The following MTMR8 variants were observed in gnomAD, a reference collection of about 807,000 sequenced individuals.
The protein encoded by MTMR8 is myotubularin related protein 8, also known as phosphatidylinositol-3,5-bisphosphate 3-phosphatase MTMR8.
In MTMR8, 65 loss-of-function variants were observed where a neutral mutation model predicts 39.3. That is an observed-to-expected ratio of 1.65 (90% CI 1.35 to 2.03). The LOEUF is 2.03. Among genes scored for constraint, MTMR8 ranks in the 30% most tolerant of loss-of-function variants. MTMR8 has a pLI of 0.00. For synonymous variants in MTMR8, 245 were observed against 185.2 expected, an observed-to-expected ratio of 1.32 and a Z score of -2.62; for missense variants, 777 against 538.9, an observed-to-expected ratio of 1.44 and a Z score of -4.37.
intron 12 of MTMR8, among the ~76,000 whole-genome samples, chrX:64,298,174 G>A (rs1390775544): frequency 7.1e-5 from 7 of 98,253 alleles, no homozygotes; most frequent in Non-Finnish European, 1.2e-4. Flanking sequence ...ACCTTGGGCA[G>A]TATGGCCATT....
chrX:64,312,664 G>A (rs1171248157), intron 12 of MTMR8, among the ~76,000 whole-genome samples: 1 of 112,474 alleles, frequency 8.9e-6, no homozygotes. Flanking sequence ...CTTGGCCCAT[G>A]TACATTGGAG....
At chrX:64,358,882 T>C (rs866426818) in intron 2 of MTMR8, among the ~76,000 whole-genome samples, 2 of 92,247 alleles carry the variant, frequency 2.2e-5, no homozygotes, top group African/African-American at 1.4e-4. Flanking sequence ...CACACACATA[T>C]ATATATACCC....
chrX:64,360,091 G>T (rs976811281), intron 1 of MTMR8, among the ~76,000 whole-genome samples: 2 of 110,246 alleles, frequency 1.8e-5, no homozygotes, highest in Non-Finnish European at 3.8e-5. Context: ...TAAAACAAAA[G>T]ATTCAACAAT....
intron 12 of MTMR8, among the ~76,000 whole-genome samples, chrX:64,326,840 C>T (rs1242218621): frequency 9.1e-6 from 1 of 109,815 alleles, no homozygotes; most frequent in African/African-American, 3.3e-5. Context: ...TAGAATGATA[C>T]TGATCTAAAA....
At chrX:64,293,280 G>A (rs913230564) in intron 12 of MTMR8, among the ~76,000 whole-genome samples, 3 of 111,563 alleles carry the variant, frequency 2.7e-5, no homozygotes, top group African/African-American at 9.8e-5. Context: ...ACAAACTCAA[G>A]TGTTGCCTGT....
chrX:64,284,167 T>C lies in MTMR8; in HGVS notation c.1482-13094A>G, dbSNP rs1011193223. Among the ~76,000 whole-genome samples the C allele has an allele frequency of 3.6e-5, 4 of 112,227 alleles. No homozygotes were observed. In the East Asian group the frequency reaches 1.1e-3, roughly 31 times the overall value. ...GCTGAAAACCATGGCACAAGAACTATGTGACGTACGCACAAGCTTCAGTAG... is the reference window on the plus strand; with the variant it reads ...GCTGAAAACCATGGCACAAGAACTACGTGACGTACGCACAAGCTTCAGTAG... On this transcript the variant is annotated intron_variant, in intron 12 of 13. Coordinates refer to ENST00000374852, the MANE Select transcript of MTMR8 (RefSeq NM_017677.4).
intron 1 of MTMR8, among the ~76,000 whole-genome samples, chrX:64,362,999 T>C (rs1016257536): frequency 2.7e-5 from 3 of 110,933 alleles, no homozygotes; most frequent in African/African-American, 9.8e-5. Flanking sequence ...ACATTGGGAA[T>C]AAAATAAAGT....
intron 1 of MTMR8, among the ~76,000 whole-genome samples, chrX:64,368,738 T>G (rs768158191): frequency 8.9e-6 from 1 of 111,763 alleles, no homozygotes; most frequent in South Asian, 3.7e-4. Flanking sequence ...GCAATGGCAA[T>G]GAAAGCCAAA....
chrX:64,301,121 C>A (rs1455806354), intron 12 of MTMR8, among the ~76,000 whole-genome samples: 1 of 107,050 alleles, frequency 9.3e-6, no homozygotes, highest in Non-Finnish European at 1.9e-5. Context: ...TGAACGTTGG[C>A]CTGCCTTGCT....
At chrX:64,387,710 T>G (rs1407288042) in intron 1 of MTMR8, among the ~76,000 whole-genome samples, 4 of 89,235 alleles carry the variant, frequency 4.5e-5, no homozygotes, top group African/African-American at 8.7e-5. Context: ...GAGAGAGAGA[T>G]TGGGGGGAGA....
intron 12 of MTMR8, among the ~76,000 whole-genome samples, chrX:64,294,901 T>C (rs982271505): frequency 1.8e-5 from 2 of 111,588 alleles, no homozygotes; most frequent in Non-Finnish European, 3.8e-5. Context: ...ATATCGCCTA[T>C]AGCAGATGGG....
intron 12 of MTMR8, among the ~76,000 whole-genome samples, chrX:64,317,266 A>G (rs770291272): frequency 3.6e-5 from 4 of 111,496 alleles, no homozygotes; most frequent in Non-Finnish European, 1.9e-5. Context: ...ATTATCAGCC[A>G]TTATTTATTT....
chrX:64,296,100 T>C (rs980595139), intron 12 of MTMR8, among the ~76,000 whole-genome samples: 4 of 112,011 alleles, frequency 3.6e-5, no homozygotes, highest in African/African-American at 1.3e-4. Context: ...GCTATATCCA[T>C]ACAATAGAAT....
rs372948405 is a variant in MTMR8 at position 64,366,631 on chromosome X, C to A, written c.25-7104G>T. On this transcript the variant is annotated intron_variant, in intron 1 of 13. Transcript: ENST00000374852. Reference sequence around the variant, plus strand: ...AGTGTGTAGAGGGAAATGTACAGCACTAAATGCCCACAAGAGAAAGCAGGA... The same window carrying A: ...AGTGTGTAGAGGGAAATGTACAGCAATAAATGCCCACAAGAGAAAGCAGGA... 1.1e-4 allele frequency among the ~76,000 whole-genome samples: 12 copies of A among 112,122 alleles called. No individual in the cohort carries two copies. The East Asian group carries it at 3.4e-3, about 32-fold the overall frequency.
At chrX:64,291,664 G>T (rs1921400969) in intron 12 of MTMR8, among the ~76,000 whole-genome samples, 2 of 111,562 alleles carry the variant, frequency 1.8e-5, no homozygotes, top group African/African-American at 3.3e-5. Context: ...ATCAATATGG[G>T]ACCTACCAAG....
intron 12 of MTMR8, among the ~76,000 whole-genome samples, chrX:64,303,433 C>T (rs1298136775): frequency 8.9e-6 from 1 of 112,005 alleles, no homozygotes; most frequent in African/African-American, 3.2e-5. Context: ...GTTCACAAAA[C>T]AATTTTTATC....
At chrX:64,297,744 G>C (rs1193971674) in intron 12 of MTMR8, among the ~76,000 whole-genome samples, 1 of 109,578 alleles carries the variant, frequency 9.1e-6, no homozygotes, top group Admixed American at 9.8e-5. Context: ...ACTCCATCTT[G>C]AATTGATTTT....
chrX:64,302,662 A>G (rs1309700554), intron 12 of MTMR8, among the ~76,000 whole-genome samples: 7 of 112,673 alleles, frequency 6.2e-5, no homozygotes, highest in East Asian at 2.8e-4. Context: ...GATAGTACCA[A>G]TCTGAAAATG....
chrX:64,370,896 T>C (rs779686720), intron 1 of MTMR8, among the ~76,000 whole-genome samples: 1 of 112,145 alleles, frequency 8.9e-6, no homozygotes, highest in Non-Finnish European at 1.9e-5. Context: ...ATCAAACCTG[T>C]AATCCCAGCA....
Sources: allele counts gnomAD v4.1 joint callset (sites outside exome capture counted in the v4.1 genomes callset), GRCh38; gene constraint gnomAD v4.1.1; transcripts MANE v1.5; gene names NCBI Gene and HGNC (gene_info 2026-07-23, HGNC 2026-07-21).